The following KCNAB2 variants were observed in gnomAD, a reference collection of about 807,000 sequenced individuals.
KCNAB2 encodes voltage-gated potassium channel subunit beta-2.
In KCNAB2, 29 loss-of-function variants were observed where a neutral mutation model predicts 63.6. That is an observed-to-expected ratio of 0.46 (90% CI 0.34 to 0.62). KCNAB2 has a LOEUF of 0.62. KCNAB2 is among the 20% of genes least tolerant of loss of function. KCNAB2 has a pLI of 0.01. For synonymous variants in KCNAB2, 222 were observed against 224.2 expected (o/e 0.99, Z 0.09); for missense variants, 359 against 563.9 (o/e 0.64, Z 3.68).
chr1:6,001,938 C>A (rs1657285292), intron 1 of KCNAB2, among the ~76,000 whole-genome samples: 1 of 152,164 alleles, frequency 6.6e-6, no homozygotes. Context: ...CTGACTGAGC[C>A]CCCTCGATGT....
At position 6,100,485 on chromosome 1, in the gene KCNAB2, A is replaced by AGGT. The variant is rs1665959613; in HGVS notation, c.*1914_*1916dup. 1.3e-5 allele frequency: 2 copies of AGGT among 155,436 alleles called. No homozygotes were observed. The highest frequency in any genetic ancestry group is 2.8e-5 in the Non-Finnish European group (2 of 70,394). The allele number at this position is 155,436 out of a possible 1,614,324, so 9.6% of individuals were successfully genotyped here. The stretch of plus-strand genomic sequence containing the variant: ...GCAGTGGCCAATGGTGCCAGAGGGC[A>AGGT]GGTGGCCCACCCTCGCCATCAGGGA... On this transcript the variant is annotated 3_prime_UTR_variant, in exon 16 of 16. Transcript: ENST00000378083.
At chr1:6,056,053 GTT>G (rs139394875) in intron 2 of KCNAB2, among the ~76,000 whole-genome samples, 1 of 151,300 alleles carries the variant, frequency 6.6e-6, no homozygotes, top group South Asian at 2.1e-4. Context: ...CACTTCCCCA[GTT>G]TTTTTTTGAG....
intron 2 of KCNAB2, among the ~76,000 whole-genome samples, chr1:6,057,791 C>T (rs778706779): frequency 2.6e-5 from 4 of 152,154 alleles, no homozygotes; most frequent in African/African-American, 4.8e-5. Flanking sequence ...CAACCTCTGC[C>T]TCTGCCGTCC....
intron 8 of KCNAB2, among the ~76,000 whole-genome samples, 169 bp downstream of exon 8, chr1:6,089,220 C>T (rs940525784): frequency 4.6e-5 from 7 of 152,346 alleles, no homozygotes; most frequent in African/African-American, 1.7e-4. Flanking sequence ...GGTAGCACAG[C>T]GGGACGCTGC....
At chr1:6,022,281 G>T (rs1170717975) in intron 1 of KCNAB2, among the ~76,000 whole-genome samples, 6 of 152,084 alleles carry the variant, frequency 3.9e-5, no homozygotes, top group Admixed American at 3.9e-4. Flanking sequence ...GTGGTATTGA[G>T]TGTACAGTTC....
At chr1:6,081,174 C>T (rs1005556374) in intron 4 of KCNAB2, among the ~76,000 whole-genome samples, 12 of 152,214 alleles carry the variant, frequency 7.9e-5, no homozygotes, top group African/African-American at 1.7e-4. Flanking sequence ...TGATGCACAG[C>T]GCATTTAGCT....
At chr1:6,084,572 T>C (rs1664489432) in intron 5 of KCNAB2, among the ~76,000 whole-genome samples, 1 of 152,172 alleles carries the variant, frequency 6.6e-6, no homozygotes, top group Non-Finnish European at 1.5e-5. Flanking sequence ...TCCCAGCACT[T>C]TGGGAGGCCA....
In KCNAB2 at chr1:5,994,999, G is replaced by A. The variant is rs1570802667; in HGVS notation, c.-53+2211G>A. 6.6e-6 allele frequency among the ~76,000 whole-genome samples: 1 copy of A among 152,314 alleles called. No individual in the cohort carries two copies. The highest frequency in any genetic ancestry group is 1.9e-4 in the East Asian group (1 of 5,188). On this transcript the variant is annotated intron_variant, in intron 1 of 16. Transcript: ENST00000341524. The surrounding 1 kb of genome is among the most constrained non-coding windows in gnomAD (Gnocchi z 5.4). ...GTGGAAGGAGAGCCTGCTCCCTCGC[G>A]AGAACCAGGGGACCGTGCTTCTGTT...
Position 6,069,949 on chromosome 1 carries a change from G to A in KCNAB2, c.219-2806G>A, listed in dbSNP as rs569102545. Among the ~76,000 whole-genome samples, 11 of 152,240 alleles carry A rather than the reference G, an allele frequency of 7.2e-5. No homozygotes were observed. Among genetic ancestry groups the A allele is most frequent in the African/African-American group, 2.6e-4 (11 of 41,544 alleles). On this transcript the variant is annotated intron_variant, in intron 2 of 15. Transcript: ENST00000378083. This position sits in a 1 kb window ranked among gnomAD's most constrained non-coding sequence, Gnocchi z 5.4. ...GCCCATTTCCCAACACTCAGACCAG[G>A]AACAGATATGGAATCAGGGGCAGGG... is the stretch of plus-strand genomic sequence containing the variant.
chr1:6,095,355 G>A lies in KCNAB2; in HGVS notation c.765G>A (p.Leu255=). The change falls in exon 12 of 16, where the codon CTG becomes CTA. Residue 255 remains leucine, a synonymous_variant. Coordinates refer to ENST00000378083, the MANE Select transcript of KCNAB2 (RefSeq NM_001199862.2). ...EAYSVARQFN[L]TPPICEQAEY... The stretch of plus-strand genomic sequence containing the variant: ...ACTCCGTGGCCCGGCAGTTCAACCT[G>A]ACCCCGCCCATCTGCGAGCAGGCTG... 1 of 1,612,968 alleles carries A rather than the reference G, an allele frequency of 6.2e-7. No homozygotes were observed. The highest frequency in any genetic ancestry group is 8.5e-7 in the Non-Finnish European group (1 of 1,180,014).
At position 6,035,238 on chromosome 1, in the gene KCNAB2, G is replaced by A. The variant is rs1215031445; in HGVS notation, c.-53+444G>A. Among the ~76,000 whole-genome samples, 1 of 152,170 alleles carries A rather than the reference G, an allele frequency of 6.6e-6. No homozygotes were observed. The highest frequency in any genetic ancestry group is 6.5e-5 in the Admixed American group (1 of 15,288). ...GAGCCAGTGTGGCAGGGGCCAGTGTGTGAGGGGCTCAGCGGGGGATGTGGC... is the reference window on the plus strand; with the variant it reads ...GAGCCAGTGTGGCAGGGGCCAGTGTATGAGGGGCTCAGCGGGGGATGTGGC... On this transcript the variant is annotated intron_variant, in intron 1 of 15. Coordinates refer to the KCNAB2 transcript ENST00000164247. The surrounding 1 kb of genome is among the most constrained non-coding windows in gnomAD (Gnocchi z 5.0).
intron 4 of KCNAB2, among the ~76,000 whole-genome samples, chr1:6,081,783 C>T (rs1419926228): frequency 1.3e-5 from 2 of 152,168 alleles, no homozygotes; most frequent in African/African-American, 2.4e-5. Context: ...TAACACAGTA[C>T]GACCTCATCT....
chr1:6,052,442 A>G (rs1444900191), intron 2 of KCNAB2, among the ~76,000 whole-genome samples: 1 of 150,548 alleles, frequency 6.6e-6, no homozygotes, highest in East Asian at 1.9e-4. Context: ...AAAAAAAAAA[A>G]GTTTAGTAAA....
At position 6,069,324 on chromosome 1, in the gene KCNAB2, A is replaced by G. The variant is rs937412235; in HGVS notation, c.219-3431A>G. Among the ~76,000 whole-genome samples the G allele has an allele frequency of 6.6e-6, 1 of 152,086 alleles. No homozygotes were observed. Among genetic ancestry groups the G allele is most frequent in the African/African-American group, 2.4e-5 (1 of 41,396 alleles). On this transcript the variant is annotated intron_variant, in intron 2 of 15. Transcript: ENST00000378083. This position sits in a 1 kb window ranked among gnomAD's most constrained non-coding sequence, Gnocchi z 5.4. ...CAGGTGGCTCCAATGAAAGGCCCCA[A>G]ACTCCTCTTTGTAAAATGACCTGTC...
At chr1:6,062,391 C>T (rs923448927) in intron 2 of KCNAB2, among the ~76,000 whole-genome samples, 26 of 151,996 alleles carry the variant, frequency 1.7e-4, no homozygotes, top group Middle Eastern at 3.4e-3. Flanking sequence ...AGCTAGGAAA[C>T]GCCATTCCCC....
chr1:6,001,752 G>T (rs1657275857), intron 1 of KCNAB2, among the ~76,000 whole-genome samples: 1 of 152,186 alleles, frequency 6.6e-6, no homozygotes. Context: ...GTGGGGCAGT[G>T]TTGCTCACAT....
chr1:6,095,737 T>G, intron 13 of KCNAB2, 113 bp downstream of exon 13: 1 of 965,116 alleles, frequency 1.0e-6, no homozygotes, highest in Non-Finnish European at 1.6e-6. Flanking sequence ...GCTGCAGCTG[T>G]TCCCACCTCG....
rs1188413605 is a variant in KCNAB2, at chr1:6,099,922, C to T, written c.*1348C>T. On this transcript the variant is annotated 3_prime_UTR_variant, in exon 16 of 16. Transcript: ENST00000378083. Reference sequence around the variant, plus strand: ...GTAAGTCTGCAGGTGCGGGGTGCCACCTACAGGCCCAGGCCTGTGTCCCAA... The same window carrying T: ...GTAAGTCTGCAGGTGCGGGGTGCCATCTACAGGCCCAGGCCTGTGTCCCAA... 1.3e-6 allele frequency: 2 copies of T among 1,550,454 alleles called. No individual in the cohort carries two copies. The highest frequency in any genetic ancestry group is 2.4e-5 in the South Asian group (2 of 84,066).
chr1:6,054,275 G>A (rs531817347), intron 2 of KCNAB2, among the ~76,000 whole-genome samples: 1 of 152,252 alleles, frequency 6.6e-6, no homozygotes, highest in East Asian at 1.9e-4. Context: ...GTGCAGCCAG[G>A]TTCCTGGCAT....
Sources: gnomAD v4.1 joint callset for allele counts (sites outside exome capture counted in the v4.1 genomes callset) on GRCh38, gnomAD v4.1.1 for gene constraint, Gnocchi (gnomAD v3.1) non-coding constraint, MANE v1.5 for transcripts, NCBI Gene and HGNC (gene_info 2026-07-23, HGNC 2026-07-21) for gene names.